The following MITF variants were observed in gnomAD, a reference collection of about 807,000 sequenced individuals.
MITF encodes the protein melanocyte inducing transcription factor.
A neutral mutation model predicts 60.5 loss-of-function variants in MITF; 17 were observed. The ratio of observed to expected loss-of-function variants is 0.28; its 90% CI spans 0.19 to 0.42. The LOEUF (loss-of-function observed/expected upper bound fraction) is 0.42. Ranked by LOEUF, MITF falls within the 10% of genes least tolerant of loss-of-function variation. MITF has a pLI of 1.00. For synonymous variants in MITF, 260 were observed against 248.5 expected (o/e 1.05, Z -0.43); for missense variants, 622 against 683.5 (o/e 0.91, Z 1.00).
intron 2 of MITF, among the ~76,000 whole-genome samples, chr3:69,881,186 T>C (rs540303049): frequency 1.1e-3 from 175 of 152,232 alleles, no homozygotes; most frequent in Non-Finnish European, 9.3e-4. Flanking sequence ...CCCTAACTTA[T>C]GTATGCCAGA....
At chr3:69,935,634 G>T (rs1372512529) in intron 2 of MITF, among the ~76,000 whole-genome samples, 3 of 152,084 alleles carry the variant, frequency 2.0e-5, no homozygotes, top group East Asian at 3.9e-4. Flanking sequence ...CAACATTATT[G>T]AACTTCAAAT....
chr3:69,903,960 C>A (rs1320343550), intron 2 of MITF, among the ~76,000 whole-genome samples: 1 of 151,986 alleles, frequency 6.6e-6, no homozygotes, highest in Non-Finnish European at 1.5e-5. Flanking sequence ...ATAGGGTTGT[C>A]GGAGGATTAT....
chr3:69,752,507 G>T (rs1327765414), intron 1 of MITF: 1 of 152,192 alleles, frequency 6.6e-6, no homozygotes, highest in African/African-American at 2.4e-5. Flanking sequence ...TGGCTGCATT[G>T]TGTCCCTGCC....
At chr3:69,886,176 G>A (rs1407729144) in intron 2 of MITF, among the ~76,000 whole-genome samples, 1 of 152,058 alleles carries the variant, frequency 6.6e-6, no homozygotes, top group Non-Finnish European at 1.5e-5. Context: ...CAAATGACAC[G>A]GTAGCTTGGG....
intron 2 of MITF, among the ~76,000 whole-genome samples, chr3:69,898,910 T>C (rs1226410971): frequency 6.6e-6 from 1 of 152,134 alleles, no homozygotes; most frequent in Admixed American, 6.6e-5. Flanking sequence ...GTATTAGGGA[T>C]CTAATGGTGA....
intron 2 of MITF, among the ~76,000 whole-genome samples, chr3:69,901,771 A>T (rs1207384473): frequency 6.6e-6 from 1 of 152,216 alleles, no homozygotes; most frequent in Admixed American, 6.5e-5. Context: ...TCACAGAAAG[A>T]CTTGGGCAGT....
chr3:69,798,964 T>C (rs2062873861), intron 1 of MITF, among the ~76,000 whole-genome samples: 1 of 152,204 alleles, frequency 6.6e-6, no homozygotes, highest in African/African-American at 2.4e-5. Flanking sequence ...TTTATTTGTG[T>C]GATCATTTGA....
chr3:69,927,404 C>T (rs963785555), intron 2 of MITF, among the ~76,000 whole-genome samples: 6 of 152,042 alleles, frequency 3.9e-5, no homozygotes, highest in South Asian at 4.2e-4. Flanking sequence ...AGCATTAGGA[C>T]AAATACCTAA....
chr3:69,853,354 T>A (rs1575821317), intron 1 of MITF, among the ~76,000 whole-genome samples: 1 of 152,200 alleles, frequency 6.6e-6, no homozygotes, highest in Non-Finnish European at 1.5e-5. Context: ...ACTATTATCC[T>A]TCTTAATGTC....
At chr3:69,757,996 CATGTGT>C (rs1313494194) in intron 1 of MITF, among the ~76,000 whole-genome samples, 17 of 96,448 alleles carry the variant, frequency 1.8e-4, no homozygotes, top group African/African-American at 6.2e-4. Context: ...TACCCTAGGG[CATGTGT>C]GTGTGTGTGT....
intron 2 of MITF, among the ~76,000 whole-genome samples, chr3:69,896,500 C>G (rs997719498): frequency 2.0e-5 from 3 of 152,210 alleles, no homozygotes; most frequent in African/African-American, 7.2e-5. Context: ...TTAAGGCTGT[C>G]TGGGATGCTA....
chr3:69,929,533 T>G (rs927563753), intron 2 of MITF, among the ~76,000 whole-genome samples: 26 of 152,158 alleles, frequency 1.7e-4, no homozygotes, highest in African/African-American at 6.3e-4. Context: ...AATGTGCATT[T>G]CTAATAAGCA....
intron 8 of MITF, among the ~76,000 whole-genome samples, chr3:69,959,002 G>A (rs1452760598): frequency 3.3e-5 from 5 of 150,424 alleles, no homozygotes; most frequent in African/African-American, 9.8e-5. Context: ...GGGGACTTGC[G>A]GGGAAGGGAG....
intron 9 of MITF, among the ~76,000 whole-genome samples, chr3:69,964,026 G>C (rs1012325379): frequency 7.2e-6 from 1 of 137,948 alleles, no homozygotes; most frequent in African/African-American, 2.8e-5. Flanking sequence ...GCCCAGGCTG[G>C]AGCGCAATGG....
chr3:69,741,273 G>C (rs978702689), intron 1 of MITF, among the ~76,000 whole-genome samples: 9 of 152,138 alleles, frequency 5.9e-5, no homozygotes, highest in Non-Finnish European at 5.9e-5. Context: ...CGGCTGAAGG[G>C]ACCAGTGTTT....
chr3:69,846,547 G>T (rs1014716020), intron 1 of MITF, among the ~76,000 whole-genome samples: 3 of 152,152 alleles, frequency 2.0e-5, no homozygotes, highest in African/African-American at 4.8e-5. Context: ...AGCCGCAGTG[G>T]CTCATGCCTA....
At chr3:69,910,231 T>G (rs572929718) in intron 2 of MITF, among the ~76,000 whole-genome samples, 175 of 152,282 alleles carry the variant, frequency 1.1e-3, no homozygotes, top group Middle Eastern at 3.4e-3. Flanking sequence ...AGCCTGCATG[T>G]GCAGAGAAGT....
chr3:69,936,718 T>C, intron 2 of MITF: 2 of 1,613,630 alleles, frequency 1.2e-6, no homozygotes, highest in Non-Finnish European at 1.7e-6. Context: ...ACCTAAAACA[T>C]TGTTATGCTG....
intron 1 of MITF, among the ~76,000 whole-genome samples, chr3:69,835,130 A>G (rs1340310604): frequency 7.2e-6 from 1 of 138,942 alleles, no homozygotes; most frequent in Non-Finnish European, 1.5e-5. Context: ...CCATCATCCC[A>G]TTTCAATCTC....
Sources: gnomAD v4.1 joint callset for allele counts (sites outside exome capture counted in the v4.1 genomes callset) on GRCh38, gnomAD v4.1.1 for gene constraint, MANE v1.5 for transcripts, NCBI Gene and HGNC (gene_info 2026-07-23, HGNC 2026-07-21) for gene names.